Variants in DYSF observed in about 807,000 individuals in gnomAD.
The protein encoded by DYSF is dystrophy-associated fer-1-like 1.
In DYSF, 212 loss-of-function variants were observed where a neutral mutation model predicts 274.9. The observed-to-expected ratio is 0.77, with a 90% CI of 0.69 to 0.86. The LOEUF is 0.86. Among genes scored for constraint, DYSF ranks in the 40% least tolerant of loss-of-function variants. DYSF has a pLI of 0.00. For missense variants in DYSF, 2,666 were observed against 2,783.2 expected, an observed-to-expected ratio of 0.96 and a Z score of 0.95; for synonymous variants, 1,091 against 1,078.7, an observed-to-expected ratio of 1.01 and a Z score of -0.22.
At position 71,664,298 on chromosome 2, in the gene DYSF, G is replaced by T. The variant is rs1180503400; in HGVS notation, c.5034G>T (p.Leu1678=). 2 of 1,614,158 alleles carry T rather than the reference G, an allele frequency of 1.2e-6. No homozygotes were observed. The highest frequency in any genetic ancestry group is 1.1e-5 in the South Asian group (1 of 91,078). The change falls in exon 46 of 56, where the codon CTG becomes CTT. Residue 1678 remains leucine, a synonymous_variant. Transcript: ENST00000410020. ...TCGAGCTGACCTGCACTCTGCCTCT[G>T]GAGAAGGACCTAAAGATCACTCTCT... ...KMFELTCTLP[L]EKDLKITLYD... is the part of the protein sequence containing the mutation.
rs1274759579 is a variant in DYSF at position 71,613,425 on chromosome 2, C to T, written c.4464+15C>T. 2 of 1,608,134 alleles carry T rather than the reference C, an allele frequency of 1.2e-6. No homozygotes were observed. Among genetic ancestry groups the T allele is most frequent in the Non-Finnish European group, 8.5e-7 (1 of 1,176,612 alleles). ...TCCCCATCCAGGTAGGATGGGCATC[C>T]TCCAGGGAGGCCTGGGTCACCTTTC... is the stretch of plus-strand genomic sequence containing the variant. On this transcript the variant is annotated intron_variant, in intron 40 of 55. Coordinates refer to ENST00000410020, the MANE Select transcript of DYSF (RefSeq NM_001130987.2).
At chr2:71,557,734 C>T (rs1025549263) in intron 22 of DYSF, among the ~76,000 whole-genome samples, 4 of 152,104 alleles carry the variant, frequency 2.6e-5, no homozygotes, top group African/African-American at 9.7e-5. Flanking sequence ...ATGTATTAAC[C>T]AACCATGAAA....
At chr2:71,550,389 T>C (rs2090846582) in intron 17 of DYSF, among the ~76,000 whole-genome samples, 1 of 151,758 alleles carries the variant, frequency 6.6e-6, no homozygotes, top group Non-Finnish European at 1.5e-5. Flanking sequence ...CCTGCTCTGT[T>C]AAAAAATTGT....
rs1306683223 is a variant in DYSF, at chr2:71,664,248, G to A, written c.5004-20G>A. ...GGGTGCCCCGTGTTGGCTGACATCG[G>A]GAATCTGCCCCTCCTGCAGGATGTT... On this transcript the variant is annotated intron_variant, in intron 45 of 55. Coordinates refer to ENST00000410020, the MANE Select transcript of DYSF (RefSeq NM_001130987.2). 28 of 1,613,606 alleles carry A rather than the reference G, an allele frequency of 1.7e-5. No individual in the cohort carries two copies. Among genetic ancestry groups the A allele is most frequent in the Non-Finnish European group, 2.2e-5 (26 of 1,179,804 alleles).
chr2:71,682,452 C>T, intron 54 of DYSF, 78 bp from the exon 55 acceptor site: 3 of 1,592,942 alleles, frequency 1.9e-6, no homozygotes, highest in African/African-American at 1.3e-5. Flanking sequence ...GGCCATTGGA[C>T]CTGCTGTTGA....
At chr2:71,633,819 G>C (rs901577214) in intron 41 of DYSF, among the ~76,000 whole-genome samples, 4 of 152,092 alleles carry the variant, frequency 2.6e-5, no homozygotes, top group Non-Finnish European at 5.9e-5. Context: ...GGTCATCCTG[G>C]GGAGAGAAAA....
intron 3 of DYSF, among the ~76,000 whole-genome samples, chr2:71,502,939 G>A (rs182589852): frequency 1.1e-4 from 16 of 152,260 alleles, no homozygotes; most frequent in Non-Finnish European, 2.1e-4. Flanking sequence ...CTGGGCCTCT[G>A]GGGAGGGGCA....
At chr2:71,483,535 C>A (rs1027153247) in intron 3 of DYSF, among the ~76,000 whole-genome samples, 2 of 152,116 alleles carry the variant, frequency 1.3e-5, no homozygotes, top group Non-Finnish European at 2.9e-5. Flanking sequence ...GGGACTCAGT[C>A]TCACGACACG....
At chr2:71,586,709 G>A (rs1023418351) in intron 30 of DYSF, among the ~76,000 whole-genome samples, 4 of 152,092 alleles carry the variant, frequency 2.6e-5, no homozygotes, top group African/African-American at 9.7e-5. Flanking sequence ...GGGCCATCTA[G>A]AGGAGGTGCC....
At chr2:71,467,615 C>T (rs985414820) in intron 1 of DYSF, among the ~76,000 whole-genome samples, 1 of 152,114 alleles carries the variant, frequency 6.6e-6, no homozygotes, top group Admixed American at 6.5e-5. Context: ...TCCCCCAACC[C>T]CTCCAAGGCA....
intron 45 of DYSF, among the ~76,000 whole-genome samples, chr2:71,661,965 C>T (rs185663890): frequency 4.2e-4 from 64 of 152,152 alleles, no homozygotes; most frequent in Middle Eastern, 6.8e-3. Context: ...CAGGGGCTGG[C>T]GCAGGACCTC....
rs1314862984 is a variant in DYSF at position 71,565,264 on chromosome 2, T to TTTTTTTTA, written c.2565+1051_2565+1052insTTTTTTTA. The stretch of plus-strand genomic sequence containing the variant: ...CCCAGCTCTTTTTTTTTTTTTTTTT[T>TTTTTTTTA]AATTTTAGTGGAGATGGGGTTTCAC... On this transcript the variant is annotated intron_variant, in intron 24 of 55. Coordinates refer to ENST00000410020, the MANE Select transcript of DYSF (RefSeq NM_001130987.2). 9.5e-4 allele frequency among the ~76,000 whole-genome samples: 141 copies of TTTTTTTTA among 148,874 alleles called. 2 individuals carry two copies. The highest frequency in any genetic ancestry group is 3.5e-3 in the African/African-American group (139 of 39,994).
At chr2:71,612,331 C>T (rs2093781927) in intron 38 of DYSF, among the ~76,000 whole-genome samples, 1 of 152,062 alleles carries the variant, frequency 6.6e-6, no homozygotes, top group Non-Finnish European at 1.5e-5. Flanking sequence ...ATGTTGAGTC[C>T]CGGGCCAACT....
At chr2:71,535,117 A>G (rs375251077) in intron 15 of DYSF, 28 bp downstream of exon 15, 907 of 1,613,738 alleles carry the variant, frequency 5.6e-4, no homozygotes, top group Non-Finnish European at 6.8e-4. Context: ...AGCAAACCCA[A>G]GGAGGCCCCT....
intron 40 of DYSF, among the ~76,000 whole-genome samples, chr2:71,620,102 G>A (rs2094059293): frequency 6.6e-6 from 1 of 152,174 alleles, no homozygotes; most frequent in African/African-American, 2.4e-5. Context: ...GTAGCTTTGG[G>A]AACCATGCCC....
intron 30 of DYSF, among the ~76,000 whole-genome samples, chr2:71,587,201 G>A (rs1210278258): frequency 6.6e-6 from 1 of 152,202 alleles, no homozygotes; most frequent in African/African-American, 2.4e-5. Flanking sequence ...GCTCCCTCCA[G>A]TGGGTTGCCA....
At chr2:71,618,451 T>G (rs1296172812) in intron 40 of DYSF, among the ~76,000 whole-genome samples, 52 of 38,632 alleles carry the variant, frequency 1.3e-3, no homozygotes, top group East Asian at 2.8e-3. Flanking sequence ...GTGGTAGAGG[T>G]GGGGTTGTGT....
intron 13 of DYSF, among the ~76,000 whole-genome samples, chr2:71,527,431 TATTA>T (rs2088065991): frequency 6.6e-6 from 1 of 152,222 alleles, no homozygotes; most frequent in African/African-American, 2.4e-5. Context: ...AAGTAATGGG[TATTA>T]ATTCAGTACT....
At chr2:71,645,460 C>T (rs183780113) in intron 42 of DYSF, among the ~76,000 whole-genome samples, 5 of 151,940 alleles carry the variant, frequency 3.3e-5, no homozygotes, top group South Asian at 2.1e-4. Context: ...GGGTCCTTCT[C>T]GACATCCCGC....
Sources: gnomAD v4.1 joint callset for allele counts (sites outside exome capture counted in the v4.1 genomes callset) on GRCh38, gnomAD v4.1.1 for gene constraint, MANE v1.5 for transcripts, NCBI Gene and HGNC (gene_info 2026-07-23, HGNC 2026-07-21) for gene names.